The following STXBP5 variants were observed in gnomAD, a reference collection of about 807,000 sequenced individuals.
The protein encoded by STXBP5 is syntaxin-binding protein 5.
In STXBP5, 50 loss-of-function variants were observed where a neutral mutation model predicts 152.4. That is an observed-to-expected ratio of 0.33 (90% CI 0.26 to 0.42). The LOEUF is 0.42. Ranked by LOEUF, STXBP5 falls within the 10% of genes least tolerant of loss-of-function variation. STXBP5 has a pLI of 1.00. For synonymous variants in STXBP5, 492 were observed against 494.7 expected, an observed-to-expected ratio of 0.99 and a Z score of 0.07; for missense variants, 1,167 against 1,388.6, an observed-to-expected ratio of 0.84 and a Z score of 2.54.
rs1300619550 is a variant in STXBP5, at chr6:147,310,164, A to G, written c.998A>G (p.Lys333Arg). The change falls in exon 10 of 28, where the codon AAA becomes AGA. Residue 333 changes from lysine to arginine, a missense_variant. Physicochemically the swap from Lys to Arg is conservative, Grantham distance 26 (BLOSUM62 2). This residue lies in a region of STXBP5 where 833 missense variants were observed against 986.3 expected (regional missense o/e 0.84). Transcript: ENST00000321680. The part of the protein sequence containing the change: ...RRPCLTVMHG[K>R]STAVLEMDYS... ...CCTTGCTTAACAGTGATGCATGGGA[A>G]AAGCACTGCTGTGCTAGAAATGGAC... 1.2e-6 allele frequency: 2 copies of G among 1,606,736 alleles called. No individual in the cohort carries two copies. Among genetic ancestry groups the G allele is most frequent in the Non-Finnish European group, 8.5e-7 (1 of 1,177,776 alleles).
At chr6:147,332,438 T>G (rs1562251447) in intron 18 of STXBP5, among the ~76,000 whole-genome samples, 1 of 152,180 alleles carries the variant, frequency 6.6e-6, no homozygotes, top group Non-Finnish European at 1.5e-5. Flanking sequence ...GATTTCAGGT[T>G]TAAAGGACGT....
In STXBP5 at chr6:147,339,211, C is replaced by A; in HGVS notation, c.2179C>A (p.Gln727Lys). ...ATCACCACACAATTCAGATGATGAACAAAAAATGAATAATTTTATAGAAAA... is the reference window on the plus strand; with the variant it reads ...ATCACCACACAATTCAGATGATGAAAAAAAAATGAATAATTTTATAGAAAA... ...SSSPHNSDDEQKMNNFIEKVK... is the reference protein window; with the variant it reads ...SSSPHNSDDEKKMNNFIEKVK... Residue 727 changes from glutamine (Q) to lysine (K), a missense_variant, in exon 20 of 28, where the codon CAA (glutamine) becomes AAA (lysine). By Grantham distance (53) the Gln-to-Lys change is moderately conservative (BLOSUM62 1). Around this residue, in one of 3 missense-constraint regions of STXBP5, gnomAD observed 833 missense variants for 986.3 expected, o/e 0.84. Coordinates refer to ENST00000321680, the MANE Select transcript of STXBP5 (RefSeq NM_001127715.4). 2.6e-6 allele frequency: 4 copies of A among 1,537,874 alleles called. No homozygotes were observed. In the South Asian group the frequency reaches 5.0e-5, roughly 19 times the overall value.
At chr6:147,309,673 G>T (rs780615366) in intron 9 of STXBP5, among the ~76,000 whole-genome samples, 1 of 151,998 alleles carries the variant, frequency 6.6e-6, no homozygotes, top group Non-Finnish European at 1.5e-5. Flanking sequence ...GCGTTCTTGA[G>T]AATTTAATCC....
chr6:147,324,876 C>T (rs1032948273), intron 16 of STXBP5, 83 bp from the exon 17 acceptor site: 44 of 1,183,910 alleles, frequency 3.7e-5, no homozygotes, highest in African/African-American at 4.8e-5. Flanking sequence ...TATCTAGTAT[C>T]GTTTCATATA....
intron 3 of STXBP5, among the ~76,000 whole-genome samples, chr6:147,238,045 A>G (rs868483029): frequency 2.0e-5 from 3 of 152,238 alleles, no homozygotes; most frequent in African/African-American, 7.2e-5. Flanking sequence ...AATCAGAATC[A>G]TCTCAAAGGT....
At chr6:147,248,344 T>G (rs1445566213) in intron 4 of STXBP5, among the ~76,000 whole-genome samples, 1 of 152,140 alleles carries the variant, frequency 6.6e-6, no homozygotes, top group African/African-American at 2.4e-5. Context: ...GAGCTTTTTA[T>G]TAATGCATGA....
At chr6:147,223,447 A>G (rs1582805776) in intron 2 of STXBP5, among the ~76,000 whole-genome samples, 1 of 152,358 alleles carries the variant, frequency 6.6e-6, no homozygotes, top group East Asian at 1.9e-4. Flanking sequence ...CATTTGGAAA[A>G]TAAGACCTGG....
chr6:147,228,964 T>C (rs749979920), intron 2 of STXBP5, among the ~76,000 whole-genome samples: 4 of 152,220 alleles, frequency 2.6e-5, no homozygotes, highest in Admixed American at 1.3e-4. Context: ...AACATTCTTA[T>C]TTGTTTACAA....
intron 3 of STXBP5, 41 bp downstream of exon 3, chr6:147,235,372 T>C: frequency 6.6e-7 from 1 of 1,505,910 alleles, no homozygotes; most frequent in East Asian, 2.3e-5. Flanking sequence ...ATATCCAAAA[T>C]AGGGCCACTT....
At chr6:147,267,669 A>G (rs1196430918) in intron 7 of STXBP5, among the ~76,000 whole-genome samples, 1 of 151,880 alleles carries the variant, frequency 6.6e-6, no homozygotes, top group Non-Finnish European at 1.5e-5. Flanking sequence ...CATTGTCTTT[A>G]ACATGTTTTT....
intron 2 of STXBP5, among the ~76,000 whole-genome samples, chr6:147,227,446 A>G (rs1777776734): frequency 6.6e-6 from 1 of 152,156 alleles, no homozygotes; most frequent in East Asian, 1.9e-4. Flanking sequence ...TCTCTTGCCA[A>G]TGTTTTTTGA....
chr6:147,225,993 C>T (rs994176437), intron 2 of STXBP5, among the ~76,000 whole-genome samples: 4 of 151,952 alleles, frequency 2.6e-5, no homozygotes, highest in East Asian at 1.9e-4. Flanking sequence ...ATTGGTTTTC[C>T]GAAAAGTGAA....
intron 2 of STXBP5, among the ~76,000 whole-genome samples, chr6:147,211,089 G>T (rs935414650): frequency 1.3e-5 from 2 of 152,014 alleles, no homozygotes; most frequent in African/African-American, 2.4e-5. Context: ...AAGGCAGGCG[G>T]TCATGAGGTC....
At position 147,262,322 on chromosome 6, in the gene STXBP5, A is replaced by T; in HGVS notation, c.599A>T (p.His200Leu). ...SSKSHPGPVV[H>L]ISDNPMDEGK... The stretch of plus-strand genomic sequence containing the variant: ...AAATCTCACCCAGGACCTGTGGTCC[A>T]TATAAGTGATAATCCAATGGACGAG... The change falls in exon 6 of 28, where the codon CAT (histidine) becomes CTT (leucine). Residue 200 changes from histidine (H) to leucine (L), a missense_variant. Physicochemically the swap from His to Leu is moderately conservative, Grantham distance 99. This residue lies in a region of STXBP5 where 310 missense variants were observed against 346.1 expected (regional missense o/e 0.90). Transcript: ENST00000321680. 1.3e-6 allele frequency: 2 copies of T among 1,560,810 alleles called. No individual in the cohort carries two copies. Among genetic ancestry groups the T allele is most frequent in the Non-Finnish European group, 1.7e-6 (2 of 1,159,286 alleles).
chr6:147,327,493 G>A (rs927650165), intron 18 of STXBP5, among the ~76,000 whole-genome samples: 7 of 152,152 alleles, frequency 4.6e-5, no homozygotes, highest in Admixed American at 4.6e-4. Context: ...CTGTCACCCA[G>A]ACTGGTGTGC....
At chr6:147,347,930 G>A (rs1282208450) in intron 21 of STXBP5, among the ~76,000 whole-genome samples, 1 of 152,118 alleles carries the variant, frequency 6.6e-6, no homozygotes, top group Non-Finnish European at 1.5e-5. Context: ...TTAATTTAAT[G>A]ATTATTTCTG....
intron 7 of STXBP5, among the ~76,000 whole-genome samples, chr6:147,271,871 TATAGTC>T (rs1780188986): frequency 6.6e-6 from 1 of 151,970 alleles, no homozygotes; most frequent in Non-Finnish European, 1.5e-5. Flanking sequence ...TTGATAAACA[TATAGTC>T]AGAGTGGTGA....
At chr6:147,272,431 T>C (rs1055948835) in intron 7 of STXBP5, among the ~76,000 whole-genome samples, 1 of 152,232 alleles carries the variant, frequency 6.6e-6, no homozygotes. Context: ...TTCTAACTTC[T>C]AAATTAACTT....
At chr6:147,343,468 A>G (rs1292166625) in intron 21 of STXBP5, among the ~76,000 whole-genome samples, 2 of 152,182 alleles carry the variant, frequency 1.3e-5, no homozygotes, top group Non-Finnish European at 2.9e-5. Context: ...AGCAGTTCTA[A>G]CACCTTTATT....
Sources: allele counts gnomAD v4.1 joint callset (sites outside exome capture counted in the v4.1 genomes callset), GRCh38; gene constraint gnomAD v4.1.1; regional missense constraint gnomAD v4.1.1; transcripts MANE v1.5; gene names NCBI Gene and HGNC (gene_info 2026-07-23, HGNC 2026-07-21).